Variants in PTPN14 observed in about 807,000 individuals in gnomAD.
PTPN14 encodes the protein protein tyrosine phosphatase non-receptor type 14, also known as tyrosine-protein phosphatase non-receptor type 14.
In PTPN14, 53 loss-of-function variants were observed where a neutral mutation model predicts 126.8. The ratio of observed to expected loss-of-function variants is 0.42; its 90% CI spans 0.34 to 0.53. The LOEUF (loss-of-function observed/expected upper bound fraction) is 0.53, where lower values mean the gene tolerates loss of function less well. PTPN14 is among the 20% of genes least tolerant of loss of function. The probability of loss-of-function intolerance (pLI) is 0.08; values close to 1 mark genes in which losing one functional copy is unlikely to be tolerated. For missense variants in PTPN14, 1,257 were observed against 1,552.9 expected (o/e 0.81, Z 3.20); for synonymous variants, 630 against 599.3 (o/e 1.05, Z -0.75).
At chr1:214,493,471 C>A (rs1485877019) in intron 1 of PTPN14, among the ~76,000 whole-genome samples, 2 of 151,894 alleles carry the variant, frequency 1.3e-5, no homozygotes, top group African/African-American at 4.8e-5. Context: ...TATTATATGC[C>A]TGTATCAAAA....
At chr1:214,520,275 G>A (rs565514090) in intron 1 of PTPN14, among the ~76,000 whole-genome samples, 2 of 151,848 alleles carry the variant, frequency 1.3e-5, no homozygotes, top group African/African-American at 4.8e-5. Flanking sequence ...CTTTTCTTTT[G>A]ATTCTCTACA....
At chr1:214,545,330 G>A (rs1179204031) in intron 1 of PTPN14, among the ~76,000 whole-genome samples, 2 of 152,102 alleles carry the variant, frequency 1.3e-5, no homozygotes, top group Non-Finnish European at 2.9e-5. Context: ...TATTTGGCCA[G>A]GGTCATCCTA....
At chr1:214,374,301 T>C (rs1001316923) in intron 15 of PTPN14, among the ~76,000 whole-genome samples, 10 of 152,236 alleles carry the variant, frequency 6.6e-5, no homozygotes, top group South Asian at 2.1e-4. Context: ...AGGTCAAAGC[T>C]GGCAAGAAAA....
At chr1:214,418,273 C>G (rs1659469814) in intron 3 of PTPN14, among the ~76,000 whole-genome samples, 1 of 152,220 alleles carries the variant, frequency 6.6e-6, no homozygotes, top group South Asian at 2.1e-4. Flanking sequence ...CACAGTGGAT[C>G]TGTCAGGTGG....
intron 2 of PTPN14, among the ~76,000 whole-genome samples, chr1:214,460,614 C>T (rs1374803478): frequency 1.4e-4 from 1 of 7,280 alleles, no homozygotes; most frequent in Non-Finnish European, 2.6e-4. Context: ...CACACACATA[C>T]ACACACACAC....
chr1:214,522,843 T>G (rs940020738), intron 1 of PTPN14, among the ~76,000 whole-genome samples: 3 of 152,194 alleles, frequency 2.0e-5, no homozygotes, highest in Admixed American at 6.5e-5. Flanking sequence ...TGTGGGCAAC[T>G]CCTTGTTTAG....
intron 1 of PTPN14, among the ~76,000 whole-genome samples, chr1:214,511,602 AC>A (rs1654975847): frequency 6.6e-6 from 1 of 152,200 alleles, no homozygotes; most frequent in Non-Finnish European, 1.5e-5. Context: ...GCTACAGAAA[AC>A]AGTTCAGCAG....
chr1:214,473,828 GATT>G (rs769869302), intron 1 of PTPN14, among the ~76,000 whole-genome samples: 24 of 152,196 alleles, frequency 1.6e-4, no homozygotes, highest in Non-Finnish European at 3.4e-4. Context: ...GTGCAAATGA[GATT>G]ATTAGTTTCT....
At chr1:214,495,619 G>A (rs1378967137) in intron 1 of PTPN14, among the ~76,000 whole-genome samples, 1 of 152,066 alleles carries the variant, frequency 6.6e-6, no homozygotes, top group Non-Finnish European at 1.5e-5. Flanking sequence ...AGATGGGGGA[G>A]GAAAAGTGCT....
chr1:214,433,817 GGTAGCTCATGCCT>G (rs892026615), intron 3 of PTPN14, among the ~76,000 whole-genome samples: 5 of 151,884 alleles, frequency 3.3e-5, no homozygotes, highest in African/African-American at 1.2e-4. Flanking sequence ...AGCTGGGCGT[GGTAGCTCATGCCT>G]GTAGCTCTAG....
chr1:214,511,085 G>A lies in PTPN14; in HGVS notation c.-155+40098C>T, dbSNP rs191619989. Reference sequence around the variant, plus strand: ...TTTTTTATTTTTAAAACCACATCTCGCTGTGTTGCCCAAGCTGATCTCAAA... The same window carrying A: ...TTTTTTATTTTTAAAACCACATCTCACTGTGTTGCCCAAGCTGATCTCAAA... On this transcript the variant is annotated intron_variant, in intron 1 of 18. Coordinates refer to ENST00000366956, the MANE Select transcript of PTPN14 (RefSeq NM_005401.5). Among the ~76,000 whole-genome samples, 9 of 151,376 alleles carry A rather than the reference G, an allele frequency of 5.9e-5. No individual in the cohort carries two copies. The South Asian group carries it at 1.0e-3, about 18-fold the overall frequency.
intron 1 of PTPN14, among the ~76,000 whole-genome samples, chr1:214,499,600 A>G (rs56204744): frequency 0.01 from 1,596 of 152,278 alleles, 32 homozygotes; most frequent in African/African-American, 0.035. Flanking sequence ...ATTTTAACAC[A>G]TTGTATCTCT....
Position 214,401,768 on chromosome 1 carries a change from T to C in PTPN14, c.586A>G (p.Ile196Val), listed in dbSNP as rs1412200141. ...VAQEHKAHSGILPAEAELMYI... is the reference protein window; with the variant it reads ...VAQEHKAHSGVLPAEAELMYI... The stretch of plus-strand genomic sequence containing the variant: ...ATCAGTTCAGCTTCTGCTGGCAGGA[T>C]TCCACTAAAATCAAAATAGCATCAA... The change falls in exon 7 of 19, where the codon ATC (isoleucine) becomes GTC (valine). Residue 196 changes from isoleucine to valine, a missense_variant. This residue lies in a region of PTPN14 where 1,021 missense variants were observed against 1,183.3 expected (regional missense o/e 0.86). Coordinates refer to ENST00000366956, the MANE Select transcript of PTPN14 (RefSeq NM_005401.5). The C allele has an allele frequency of 6.3e-7, 1 of 1,580,426 alleles. No individual in the cohort carries two copies. Among genetic ancestry groups the C allele is most frequent in the Non-Finnish European group, 8.7e-7 (1 of 1,151,516 alleles).
At chr1:214,400,294 C>A (rs1031316283) in intron 7 of PTPN14, among the ~76,000 whole-genome samples, 1 of 152,128 alleles carries the variant, frequency 6.6e-6, no homozygotes, top group Non-Finnish European at 1.5e-5. Context: ...CCTTGAGTCA[C>A]CAGGAATCAT....
chr1:214,469,120 C>G (rs971444739), intron 1 of PTPN14, among the ~76,000 whole-genome samples: 2 of 152,138 alleles, frequency 1.3e-5, no homozygotes, highest in Non-Finnish European at 2.9e-5. Flanking sequence ...AAAGGCTACA[C>G]CTAAATTATT....
chr1:214,451,648 C>T (rs1159181390), intron 3 of PTPN14, among the ~76,000 whole-genome samples, 157 bp downstream of exon 3: 1 of 152,126 alleles, frequency 6.6e-6, no homozygotes, highest in Non-Finnish European at 1.5e-5. Flanking sequence ...AGCTGCAAAG[C>T]AATGAGTAAA....
chr1:214,496,476 A>G (rs1457952321), intron 1 of PTPN14, among the ~76,000 whole-genome samples: 1 of 152,230 alleles, frequency 6.6e-6, no homozygotes, highest in Non-Finnish European at 1.5e-5. Flanking sequence ...AAAATGAGTT[A>G]CTAGTACCTG....
At chr1:214,469,507 T>C (rs1163713608) in intron 1 of PTPN14, among the ~76,000 whole-genome samples, 3 of 152,190 alleles carry the variant, frequency 2.0e-5, no homozygotes, top group Non-Finnish European at 4.4e-5. Flanking sequence ...TGGGGCCCCA[T>C]CATATTCATT....
chr1:214,373,440 A>T (rs955366565), intron 15 of PTPN14, among the ~76,000 whole-genome samples: 2 of 152,190 alleles, frequency 1.3e-5, no homozygotes, highest in Admixed American at 1.3e-4. Context: ...ATAGATGCAT[A>T]TATATGAACA....
Sources: gnomAD v4.1 joint callset for allele counts (sites outside exome capture counted in the v4.1 genomes callset) on GRCh38, gnomAD v4.1.1 for gene constraint, gnomAD v4.1.1 regional missense constraint, MANE v1.5 for transcripts, NCBI Gene and HGNC (gene_info 2026-07-23, HGNC 2026-07-21) for gene names.